The following ENTREP2 variants were observed in gnomAD, a reference collection of about 807,000 sequenced individuals.
ENTREP2 encodes protein ENTREP2.
the ENTREP2 span, among the ~76,000 whole-genome samples, chr15:29,629,614 A>G: frequency 3.7e-4 from 57 of 152,294 alleles, no homozygotes; most frequent in African/African-American, 1.3e-3. Context: ...TATCGTTTTA[A>G]GTACTTCTAT....
At chr15:29,300,727 T>C in the ENTREP2 span, among the ~76,000 whole-genome samples, 1 of 151,974 alleles carries the variant, frequency 6.6e-6, no homozygotes, top group Admixed American at 6.6e-5. Flanking sequence ...GCCTCCCGAG[T>C]AGCTGGGACT....
At chr15:29,641,627 T>C in the ENTREP2 span, among the ~76,000 whole-genome samples, 1 of 150,726 alleles carries the variant, frequency 6.6e-6, no homozygotes, top group Non-Finnish European at 1.5e-5. Flanking sequence ...AGGTCAGGAG[T>C]TCCACATCAG....
chr15:29,350,583 G>C, the ENTREP2 span, among the ~76,000 whole-genome samples: 1 of 152,178 alleles, frequency 6.6e-6, no homozygotes, highest in Admixed American at 6.5e-5. Flanking sequence ...AAAAGTAACT[G>C]AAAACTGCAA....
At chr15:29,331,404 AG>A in the ENTREP2 span, among the ~76,000 whole-genome samples, 6 of 152,008 alleles carry the variant, frequency 3.9e-5, no homozygotes, top group African/African-American at 1.4e-4. Flanking sequence ...GGAGATGGGG[AG>A]GTCAGGTCAG....
chr15:29,365,502 C>T, the ENTREP2 span, among the ~76,000 whole-genome samples: 12 of 152,178 alleles, frequency 7.9e-5, no homozygotes, highest in African/African-American at 2.9e-4. Flanking sequence ...ATCCACCTGC[C>T]TCGGCTCCCA....
At chr15:29,232,343 T>C in the ENTREP2 span, among the ~76,000 whole-genome samples, 22 of 152,368 alleles carry the variant, frequency 1.4e-4, no homozygotes, top group African/African-American at 4.8e-4. Flanking sequence ...TGCGTTACTA[T>C]TGACATATGA....
the ENTREP2 span, among the ~76,000 whole-genome samples, chr15:29,558,078 C>T: frequency 6.6e-6 from 1 of 152,194 alleles, no homozygotes; most frequent in Non-Finnish European, 1.5e-5. Context: ...AATCATTCTA[C>T]AAACTTTTCT....
chr15:29,416,068 T>C, the ENTREP2 span, among the ~76,000 whole-genome samples: 2 of 152,182 alleles, frequency 1.3e-5, no homozygotes, highest in Non-Finnish European at 2.9e-5. Context: ...ATGGCCATAA[T>C]GCCCAAGGTA....
chr15:29,392,676 T>C, the ENTREP2 span, among the ~76,000 whole-genome samples: 5 of 152,340 alleles, frequency 3.3e-5, no homozygotes, highest in East Asian at 9.6e-4. Flanking sequence ...TGAGAGATAC[T>C]GTGCTACTGA....
At chr15:29,471,121 G>T in the ENTREP2 span, among the ~76,000 whole-genome samples, 1 of 152,200 alleles carries the variant, frequency 6.6e-6, no homozygotes, top group East Asian at 1.9e-4. Context: ...GGATCTAGGG[G>T]ACATTGATGG....
the ENTREP2 span, among the ~76,000 whole-genome samples, chr15:29,403,682 C>G: frequency 6.6e-6 from 1 of 152,186 alleles, no homozygotes; most frequent in African/African-American, 2.4e-5. Flanking sequence ...TGCAAACTCT[C>G]AAATCCAGGA....
the ENTREP2 span, among the ~76,000 whole-genome samples, chr15:29,661,613 T>C: frequency 2.0e-5 from 3 of 152,220 alleles, no homozygotes; most frequent in Non-Finnish European, 2.9e-5. Context: ...AAAAGAGGTA[T>C]GTAACATTAG....
At chr15:29,226,524 G>A in the ENTREP2 span, among the ~76,000 whole-genome samples, 1 of 152,196 alleles carries the variant, frequency 6.6e-6, no homozygotes, top group Non-Finnish European at 1.5e-5. Context: ...TACAATAAAG[G>A]CTGTGCCTTT....
At chr15:29,396,128 G>A in the ENTREP2 span, among the ~76,000 whole-genome samples, 1 of 152,136 alleles carries the variant, frequency 6.6e-6, no homozygotes, top group African/African-American at 2.4e-5. Context: ...AAGAACATAT[G>A]AAGTCTCTTT....
the ENTREP2 span, among the ~76,000 whole-genome samples, chr15:29,124,324 G>A: frequency 7.9e-5 from 12 of 152,194 alleles, no homozygotes; most frequent in African/African-American, 1.9e-4. Flanking sequence ...TGAGCTTCAC[G>A]CCACACAAAG....
the ENTREP2 span, among the ~76,000 whole-genome samples, chr15:29,444,178 G>GA: frequency 1.3e-4 from 2 of 15,392 alleles, no homozygotes; most frequent in African/African-American, 4.4e-4. Context: ...GACAAAGAAA[G>GA]AAAGAAAGAA....
chr15:29,156,141 G>A, the ENTREP2 span, among the ~76,000 whole-genome samples: 1 of 152,006 alleles, frequency 6.6e-6, no homozygotes, highest in East Asian at 1.9e-4. Flanking sequence ...CATACAACCT[G>A]TTTTTTGTTG....
At chr15:29,250,235 ACT>A in the ENTREP2 span, among the ~76,000 whole-genome samples, 1 of 152,156 alleles carries the variant, frequency 6.6e-6, no homozygotes, top group African/African-American at 2.4e-5. Context: ...CAAATCCAGT[ACT>A]GTTTGTGCTG....
chr15:29,445,535 G>A, the ENTREP2 span, among the ~76,000 whole-genome samples: 3 of 152,170 alleles, frequency 2.0e-5, no homozygotes, highest in Non-Finnish European at 4.4e-5. Context: ...AACTGGATTT[G>A]GAGAGCTTCC....
Sources: allele counts gnomAD v4.1 joint callset (sites outside exome capture counted in the v4.1 genomes callset), GRCh38; gene constraint gnomAD v4.1.1; transcripts MANE v1.5; gene names NCBI Gene and HGNC (gene_info 2026-07-23, HGNC 2026-07-21).